L3MBTL4: variants seen among roughly 807,000 people sequenced by gnomAD.
The protein encoded by L3MBTL4 is lethal(3)malignant brain tumor-like protein 4.
Under a neutral mutation model 84.5 loss-of-function variants are expected in L3MBTL4, and 70 were observed. The observed-to-expected ratio is 0.83, with a 90% CI of 0.68 to 1.01. The LOEUF (loss-of-function observed/expected upper bound fraction) is 1.01. L3MBTL4 is among the 50% of genes least tolerant of loss of function. L3MBTL4 has a pLI of 0.00. For synonymous variants in L3MBTL4, 274 were observed against 259.8 expected (o/e 1.05, Z -0.52); for missense variants, 715 against 754.8 (o/e 0.95, Z 0.62).
intron 1 of L3MBTL4, among the ~76,000 whole-genome samples, chr18:6,409,768 C>T (rs995995295): frequency 6.6e-6 from 1 of 152,152 alleles, no homozygotes; most frequent in Admixed American, 6.5e-5. Flanking sequence ...ACAACTACAC[C>T]AAGTTGTCAC....
In L3MBTL4 at chr18:5,969,575, T is replaced by TG; in HGVS notation, c.1445-14dup. ...TCCACCGAGTATTCTGTAAGAGAGG[T>TG]GGGGTGGGGTGAGGCTCAGGCTCCC... On this transcript the variant is annotated splice_polypyrimidine_tract_variant and intron_variant, in intron 16 of 18. Coordinates refer to ENST00000317931, the MANE Select transcript of L3MBTL4 (RefSeq NM_001330559.2). The TG allele has an allele frequency of 1.3e-6, 2 of 1,577,792 alleles. No homozygotes were observed. The highest frequency in any genetic ancestry group is 1.7e-6 in the Non-Finnish European group (2 of 1,158,626).
intron 4 of L3MBTL4, among the ~76,000 whole-genome samples, chr18:6,265,818 A>G (rs2048606230): frequency 6.6e-6 from 1 of 152,218 alleles, no homozygotes; most frequent in Admixed American, 6.5e-5. Context: ...TGGATGACAA[A>G]GGAATCGGGA....
intron 1 of L3MBTL4, among the ~76,000 whole-genome samples, chr18:6,323,443 C>G (rs969366098): frequency 2.0e-5 from 3 of 152,180 alleles, no homozygotes; most frequent in African/African-American, 7.2e-5. Flanking sequence ...GATATGGACA[C>G]TGAAGTACAA....
At chr18:6,311,467 G>A (rs1176034641) in intron 3 of L3MBTL4, 87 bp downstream of exon 3, 11 of 1,075,426 alleles carry the variant, frequency 1.0e-5, no homozygotes, top group East Asian at 4.8e-5. Flanking sequence ...AAGCCCCTGA[G>A]TGTGGTTATG....
intron 16 of L3MBTL4, among the ~76,000 whole-genome samples, chr18:6,012,991 T>A (rs947649351): frequency 6.6e-6 from 1 of 152,196 alleles, no homozygotes; most frequent in African/African-American, 2.4e-5. Context: ...GAGGTCCCCA[T>A]CGCAGCACAG....
chr18:6,144,367 G>T (rs183649825), intron 13 of L3MBTL4, among the ~76,000 whole-genome samples: 1 of 152,072 alleles, frequency 6.6e-6, no homozygotes, highest in Non-Finnish European at 1.5e-5. Flanking sequence ...GCTATATCAA[G>T]CAGCATGAAT....
intron 4 of L3MBTL4, 120 bp downstream of exon 4, chr18:6,301,783 T>G: frequency 1.3e-6 from 1 of 789,926 alleles, no homozygotes; most frequent in South Asian, 1.4e-5. Flanking sequence ...CCTGAATAAA[T>G]GGTAGATATT....
chr18:6,358,576 G>A (rs1599765739), intron 1 of L3MBTL4, among the ~76,000 whole-genome samples: 2 of 152,286 alleles, frequency 1.3e-5, no homozygotes, highest in East Asian at 1.9e-4. Context: ...TAAGGCTTAC[G>A]GATAAGAAAG....
At chr18:6,278,895 G>A (rs529414642) in intron 4 of L3MBTL4, among the ~76,000 whole-genome samples, 1 of 151,172 alleles carries the variant, frequency 6.6e-6, no homozygotes, top group East Asian at 1.9e-4. Flanking sequence ...CCACATCTTT[G>A]GTTTTCCCCT....
intron 10 of L3MBTL4, among the ~76,000 whole-genome samples, chr18:6,224,204 C>A (rs970958816): frequency 6.6e-6 from 1 of 152,084 alleles, no homozygotes; most frequent in Non-Finnish European, 1.5e-5. Context: ...CAACAAAAAT[C>A]CCTGGAAGTG....
At chr18:6,399,888 T>A (rs1385079002) in intron 1 of L3MBTL4, 1 of 152,180 alleles carries the variant, frequency 6.6e-6, no homozygotes, top group African/African-American at 2.4e-5. Flanking sequence ...TACAATTTTC[T>A]TAAATAAAAA....
intron 16 of L3MBTL4, among the ~76,000 whole-genome samples, chr18:5,999,588 A>G (rs1435885586): frequency 6.6e-6 from 1 of 152,222 alleles, no homozygotes; most frequent in African/African-American, 2.4e-5. Context: ...ATTTCTCCTC[A>G]TCCTCCTAGA....
At chr18:6,235,504 G>A (rs957616270) in intron 10 of L3MBTL4, among the ~76,000 whole-genome samples, 1 of 152,138 alleles carries the variant, frequency 6.6e-6, no homozygotes, top group African/African-American at 2.4e-5. Flanking sequence ...GCCATAAAAA[G>A]GAATGAAGTA....
At chr18:6,193,529 G>C (rs1488838417) in intron 12 of L3MBTL4, among the ~76,000 whole-genome samples, 1 of 152,260 alleles carries the variant, frequency 6.6e-6, no homozygotes, top group Non-Finnish European at 1.5e-5. Flanking sequence ...AAAGTGAAGA[G>C]AACCTTCAGA....
intron 1 of L3MBTL4, among the ~76,000 whole-genome samples, chr18:6,318,743 G>A (rs1246750808): frequency 6.6e-6 from 1 of 151,886 alleles, no homozygotes; most frequent in East Asian, 1.9e-4. Context: ...GGTCAACAAG[G>A]AAGCAATGAA....
intron 1 of L3MBTL4, among the ~76,000 whole-genome samples, chr18:6,347,294 G>A (rs2052957182): frequency 6.6e-6 from 1 of 151,848 alleles, no homozygotes; most frequent in Non-Finnish European, 1.5e-5. Context: ...ATACTGTATT[G>A]TATGGTTAAA....
intron 5 of L3MBTL4, among the ~76,000 whole-genome samples, chr18:6,253,681 C>A (rs1292391634): frequency 6.6e-6 from 1 of 152,232 alleles, no homozygotes; most frequent in Non-Finnish European, 1.5e-5. Context: ...CAACCACAGG[C>A]TGCATCCTTC....
intron 13 of L3MBTL4, among the ~76,000 whole-genome samples, chr18:6,158,784 G>A (rs935126901): frequency 6.6e-6 from 1 of 152,206 alleles, no homozygotes; most frequent in African/African-American, 2.4e-5. Context: ...AGCACAGCCT[G>A]TGTGGTACAT....
intron 1 of L3MBTL4, among the ~76,000 whole-genome samples, chr18:6,329,798 G>A (rs2051929634): frequency 6.6e-6 from 1 of 152,104 alleles, no homozygotes; most frequent in African/African-American, 2.4e-5. Context: ...ATCCACAAGT[G>A]GATTAATCCA....
Sources: allele counts gnomAD v4.1 joint callset (sites outside exome capture counted in the v4.1 genomes callset), GRCh38; gene constraint gnomAD v4.1.1; transcripts MANE v1.5; gene names NCBI Gene and HGNC (gene_info 2026-07-23, HGNC 2026-07-21).